The following CNNM2 variants were observed in gnomAD, a reference collection of about 807,000 sequenced individuals.
CNNM2 encodes the protein metal transporter CNNM2.
Under a neutral mutation model 66.9 loss-of-function variants are expected in CNNM2, and 12 were observed. The observed-to-expected ratio is 0.18, with a 90% CI of 0.11 to 0.29. The LOEUF is 0.29. CNNM2 is among the 10% of genes least tolerant of loss of function. The pLI is 1.00. For missense variants in CNNM2, 705 were observed against 1,167.7 expected (o/e 0.60, Z 5.77); for synonymous variants, 557 against 501.8 (o/e 1.11, Z -1.47).
At position 103,024,238 on chromosome 10, in the gene CNNM2, AAGTTT is replaced by A. The variant is rs2064651918; in HGVS notation, c.1622-25467_1622-25463del. The stretch of plus-strand genomic sequence containing the variant: ...TTTTTCATGATACTGACTTTTTAAT[AAGTTT>A]AAAGTATATATAAAAGTAGAGAAAA... On this transcript the variant is annotated intron_variant, in intron 1 of 7. Coordinates refer to ENST00000369878, the MANE Select transcript of CNNM2 (RefSeq NM_017649.5). Among the ~76,000 whole-genome samples the A allele has an allele frequency of 7.9e-5, 12 of 152,316 alleles. No individual in the cohort carries two copies. The South Asian group carries it at 2.5e-3, about 32-fold the overall frequency.
intron 1 of CNNM2, among the ~76,000 whole-genome samples, chr10:102,998,096 A>G (rs1163388324): frequency 6.6e-6 from 1 of 152,088 alleles, no homozygotes; most frequent in Admixed American, 6.5e-5. Context: ...CTGATGCCAC[A>G]TTAGTGGGCA....
At chr10:102,948,406 C>CT (rs1846698858) in intron 1 of CNNM2, among the ~76,000 whole-genome samples, 1 of 152,086 alleles carries the variant, frequency 6.6e-6, no homozygotes, top group African/African-American at 2.4e-5. Flanking sequence ...GGAAAAGAGA[C>CT]TATTGCAGGG....
intron 1 of CNNM2, among the ~76,000 whole-genome samples, chr10:103,022,641 T>TGG (rs1475703580): frequency 2.0e-5 from 3 of 152,218 alleles, no homozygotes; most frequent in Non-Finnish European, 4.4e-5. Flanking sequence ...CACCACCTTC[T>TGG]GGGTCCTCTC....
intron 1 of CNNM2, among the ~76,000 whole-genome samples, chr10:102,953,467 T>C (rs188930546): frequency 6.6e-6 from 1 of 152,242 alleles, no homozygotes; most frequent in East Asian, 1.9e-4. Context: ...CCATGTAGGC[T>C]AGGCTGGTTT....
At position 103,079,369 on chromosome 10, in the gene CNNM2, C is replaced by T. The variant is rs1476673762; in HGVS notation, c.*2189C>T. ...CTGCCTAGCCCAGCTTCTCTGGCCT[C>T]AGGAACTCTGCCCTGTCAACCTATC... is the stretch of plus-strand genomic sequence containing the variant. On this transcript the variant is annotated 3_prime_UTR_variant, in exon 8 of 8. Transcript: ENST00000369878. The T allele has an allele frequency of 6.6e-6, 1 of 152,306 alleles. No homozygotes were observed. Among genetic ancestry groups the T allele is most frequent in the Admixed American group, 6.5e-5 (1 of 15,286 alleles). The allele number at this position is 152,306 out of a possible 1,614,324, so 9.4% of individuals were successfully genotyped here.
chr10:102,920,857 TG>T (rs1023494029), intron 1 of CNNM2, among the ~76,000 whole-genome samples: 1 of 152,336 alleles, frequency 6.6e-6, no homozygotes, highest in Admixed American at 6.5e-5. Flanking sequence ...CTTCACTATT[TG>T]TTTACATTTA....
intron 1 of CNNM2, among the ~76,000 whole-genome samples, chr10:103,000,906 TCA>T (rs1253013463): frequency 6.6e-6 from 1 of 152,198 alleles, no homozygotes. Context: ...ATAGTATTAT[TCA>T]CAGTTGCTAA....
At chr10:103,000,208 C>T (rs570752736) in intron 1 of CNNM2, among the ~76,000 whole-genome samples, 26 of 151,412 alleles carry the variant, frequency 1.7e-4, no homozygotes, top group Admixed American at 5.3e-4. Context: ...TGCACTCCAG[C>T]GTGTGTGACA....
intron 1 of CNNM2, among the ~76,000 whole-genome samples, chr10:102,933,041 A>G (rs1846119018): frequency 6.6e-6 from 1 of 152,120 alleles, no homozygotes; most frequent in South Asian, 2.1e-4. Flanking sequence ...CAGCTTTGTA[A>G]TAAGTTTTGA....
At chr10:102,949,791 AAATAATAATAATAAC>A (rs1354800232) in intron 1 of CNNM2, among the ~76,000 whole-genome samples, 1 of 151,996 alleles carries the variant, frequency 6.6e-6, no homozygotes, top group Non-Finnish European at 1.5e-5. Context: ...ACTCCATCTC[AAATAATAATAATAAC>A]AATAATAATA....
intron 1 of CNNM2, among the ~76,000 whole-genome samples, chr10:103,036,732 A>G (rs1293756052): frequency 2.0e-5 from 3 of 152,200 alleles, no homozygotes; most frequent in South Asian, 4.1e-4. Context: ...ATGTAAAACA[A>G]TTTTTTGACT....
At chr10:102,960,127 G>C (rs960138231) in intron 1 of CNNM2, among the ~76,000 whole-genome samples, 12 of 151,846 alleles carry the variant, frequency 7.9e-5, no homozygotes, top group African/African-American at 2.2e-4. Flanking sequence ...GTCATGAAAG[G>C]GCGAAATGAA....
intron 2 of CNNM2, among the ~76,000 whole-genome samples, chr10:103,052,296 A>C (rs1283590309): frequency 5.3e-5 from 8 of 151,272 alleles, no homozygotes; most frequent in African/African-American, 7.3e-5. Context: ...AAAAACAAAA[A>C]AAAAAAAACC....
At position 102,964,928 on chromosome 10, in the gene CNNM2, C is replaced by T. The variant is rs1281126793; in HGVS notation, c.1621+44827C>T. On this transcript the variant is annotated intron_variant, in intron 1 of 7. Coordinates refer to ENST00000369878, the MANE Select transcript of CNNM2 (RefSeq NM_017649.5). ...CTCCCTCATGAAAGTGATTGAAGCC[C>T]TCATAAAAGAGGCTTCACTCAGCAC... is the stretch of plus-strand genomic sequence containing the variant. Among the ~76,000 whole-genome samples the T allele has an allele frequency of 2.0e-5, 3 of 152,022 alleles. No individual in the cohort carries two copies. The South Asian group carries it at 6.2e-4, about 32-fold the overall frequency.
intron 1 of CNNM2, among the ~76,000 whole-genome samples, chr10:102,968,617 T>A (rs1183775658): frequency 6.6e-6 from 1 of 151,934 alleles, no homozygotes; most frequent in Non-Finnish European, 1.5e-5. Flanking sequence ...GCTTTTTTTT[T>A]TTTTTCTTTG....
At chr10:103,055,399 A>T (rs1056491641) in intron 3 of CNNM2, among the ~76,000 whole-genome samples, 4 of 152,256 alleles carry the variant, frequency 2.6e-5, no homozygotes, top group Non-Finnish European at 1.5e-5. Context: ...AATGCTCACA[A>T]TATTATATTT....
At chr10:102,942,298 A>G (rs1032576955) in intron 1 of CNNM2, among the ~76,000 whole-genome samples, 4 of 152,310 alleles carry the variant, frequency 2.6e-5, no homozygotes, top group Middle Eastern at 3.4e-3. Flanking sequence ...CTGAATCTCT[A>G]TACCTATTAA....
At chr10:103,057,288 C>T (rs866534180) in intron 4 of CNNM2, among the ~76,000 whole-genome samples, 2 of 151,848 alleles carry the variant, frequency 1.3e-5, no homozygotes, top group Non-Finnish European at 2.9e-5. Context: ...GGCAACATGG[C>T]GAGACCACCA....
chr10:103,075,559 A>C (rs1280768592), intron 6 of CNNM2, among the ~76,000 whole-genome samples: 1 of 152,214 alleles, frequency 6.6e-6, no homozygotes, highest in Non-Finnish European at 1.5e-5. Flanking sequence ...GGGGGATTTT[A>C]CTGGGGTCAG....
Sources: allele counts gnomAD v4.1 joint callset (sites outside exome capture counted in the v4.1 genomes callset), GRCh38; gene constraint gnomAD v4.1.1; transcripts MANE v1.5; gene names NCBI Gene and HGNC (gene_info 2026-07-23, HGNC 2026-07-21).